CNTNAP2: variants seen among roughly 807,000 people sequenced by gnomAD.
The protein encoded by CNTNAP2 is contactin associated protein 2, also known as contactin-associated protein-like 2.
A neutral mutation model predicts 155.2 loss-of-function variants in CNTNAP2; 98 were observed. That is an observed-to-expected ratio of 0.63 (90% confidence interval 0.54 to 0.75). The LOEUF (loss-of-function observed/expected upper bound fraction) is 0.75, where lower values mean the gene tolerates loss of function less well. Among genes scored for constraint, CNTNAP2 ranks in the 30% least tolerant of loss-of-function variants. The pLI, the probability that CNTNAP2 is intolerant of heterozygous loss-of-function variation, is 0.00. For missense variants in CNTNAP2, 1,727 were observed against 1,688.1 expected (o/e 1.02, Z -0.40); for synonymous variants, 651 against 631.2 (o/e 1.03, Z -0.47).
At chr7:146,441,084 A>G (rs1612120) in intron 1 of CNTNAP2, among the ~76,000 whole-genome samples, 5,620 of 151,500 alleles carry the variant, frequency 0.037, 592 homozygotes, top group African/African-American at 0.13. Context: ...TAAGTTGAAG[A>G]TTTTGGAGAG....
intron 14 of CNTNAP2, among the ~76,000 whole-genome samples, chr7:147,973,037 C>G (rs1221679065): frequency 6.6e-6 from 1 of 151,872 alleles, no homozygotes; most frequent in Admixed American, 6.6e-5. Context: ...TGCACCTGTA[C>G]TCCCAACTAC....
chr7:148,331,940 C>G (rs1450308918), intron 21 of CNTNAP2, among the ~76,000 whole-genome samples: 1 of 152,134 alleles, frequency 6.6e-6, no homozygotes. Flanking sequence ...GCCTGCCTCA[C>G]GAGCACCTTT....
rs564157414 is a variant in CNTNAP2, at chr7:147,559,193, T to C, written c.1778-2945T>C. On this transcript the variant is annotated intron_variant, in intron 11 of 23. Transcript: ENST00000361727. ...GCCCGGCCTAATTGTTAACTCTGAC[T>C]GAGAACTTTTGTAGATTGAGAAAGT... Among the ~76,000 whole-genome samples the C allele has an allele frequency of 3.3e-5, 5 of 152,296 alleles. No homozygotes were observed. The East Asian group carries it at 9.7e-4, about 29-fold the overall frequency.
chr7:147,079,861 C>T (rs542526524), intron 4 of CNTNAP2, among the ~76,000 whole-genome samples: 2 of 152,136 alleles, frequency 1.3e-5, no homozygotes, highest in South Asian at 2.1e-4. Flanking sequence ...CTGTAAGCCG[C>T]GAGACTTACT....
At chr7:147,074,073 C>T (rs907833698) in intron 4 of CNTNAP2, among the ~76,000 whole-genome samples, 1 of 152,126 alleles carries the variant, frequency 6.6e-6, no homozygotes, top group African/African-American at 2.4e-5. Context: ...CTAGCTATTG[C>T]ACTCCGTAGA....
At chr7:147,873,702 A>G (rs1265154180) in intron 13 of CNTNAP2, among the ~76,000 whole-genome samples, 1 of 152,100 alleles carries the variant, frequency 6.6e-6, no homozygotes, top group African/African-American at 2.4e-5. Context: ...AAAGCCAACC[A>G]TGCCTTTCCA....
chr7:148,020,995 C>A (rs1802270633), intron 15 of CNTNAP2, among the ~76,000 whole-genome samples: 1 of 152,244 alleles, frequency 6.6e-6, no homozygotes, highest in Admixed American at 6.5e-5. Context: ...TCTTGCATTT[C>A]TTCTTCTCCA....
At chr7:147,801,865 C>T (rs1275308317) in intron 13 of CNTNAP2, among the ~76,000 whole-genome samples, 3 of 151,792 alleles carry the variant, frequency 2.0e-5, no homozygotes, top group Non-Finnish European at 2.9e-5. Context: ...GGGGGGCGGC[C>T]GGGCAGAGGG....
At chr7:147,554,617 C>G (rs1377312809) in intron 11 of CNTNAP2, among the ~76,000 whole-genome samples, 1 of 152,072 alleles carries the variant, frequency 6.6e-6, no homozygotes, top group Non-Finnish European at 1.5e-5. Context: ...CTAATTTCCT[C>G]CCTCCCCTTG....
intron 20 of CNTNAP2, among the ~76,000 whole-genome samples, chr7:148,257,130 A>C (rs1796468944): frequency 6.6e-6 from 1 of 152,062 alleles, no homozygotes; most frequent in Non-Finnish European, 1.5e-5. Context: ...GCACAGGGGC[A>C]AGGTCTAGGC....
intron 15 of CNTNAP2, among the ~76,000 whole-genome samples, chr7:148,080,702 G>C (rs182604045): frequency 2.0e-5 from 3 of 151,724 alleles, no homozygotes; most frequent in Admixed American, 2.0e-4. Context: ...TCCAAAAACT[G>C]TTTAATTTAG....
intron 1 of CNTNAP2, among the ~76,000 whole-genome samples, chr7:146,609,957 C>T (rs1337880074): frequency 6.6e-6 from 1 of 152,112 alleles, no homozygotes; most frequent in African/African-American, 2.4e-5. Flanking sequence ...ACCCCAGACA[C>T]AGCGAATCAG....
chr7:147,039,983 C>T (rs1260723051), intron 3 of CNTNAP2, among the ~76,000 whole-genome samples: 1 of 152,136 alleles, frequency 6.6e-6, no homozygotes, highest in Non-Finnish European at 1.5e-5. Context: ...AGAGCTTCTG[C>T]ACAGCAAAAG....
chr7:147,722,350 T>A (rs1796577949), intron 13 of CNTNAP2, among the ~76,000 whole-genome samples: 1 of 152,142 alleles, frequency 6.6e-6, no homozygotes, highest in African/African-American at 2.4e-5. Flanking sequence ...GCATAAATCA[T>A]TGTTGAGCGT....
At chr7:147,102,746 T>G (rs1034246994) in intron 4 of CNTNAP2, among the ~76,000 whole-genome samples, 22 of 152,160 alleles carry the variant, frequency 1.4e-4, no homozygotes, top group Admixed American at 1.4e-3. Context: ...TTGAAATTAT[T>G]TTATCTGTTT....
chr7:147,665,718 A>G (rs983421495), intron 13 of CNTNAP2, among the ~76,000 whole-genome samples: 7 of 152,166 alleles, frequency 4.6e-5, no homozygotes, highest in Admixed American at 2.0e-4. Flanking sequence ...GAGAACATGC[A>G]GTATTTGGTT....
chr7:146,197,998 C>T lies in CNTNAP2; in HGVS notation c.97+81025C>T, dbSNP rs116643907. The stretch of plus-strand genomic sequence containing the variant: ...ATGGCAGCAGGAGGGAGAGAAGAGG[C>T]GGAGCTCCAGGCACTTATCAAACAA... On this transcript the variant is annotated intron_variant, in intron 1 of 23. Coordinates refer to ENST00000361727, the MANE Select transcript of CNTNAP2 (RefSeq NM_014141.6). 4.3e-3 allele frequency among the ~76,000 whole-genome samples: 655 copies of T among 152,048 alleles called. 3 individuals are homozygous for T. The highest frequency in any genetic ancestry group is 0.015 in the African/African-American group (613 of 41,470).
At chr7:146,264,456 TAAAAAA>T (rs912567038) in intron 1 of CNTNAP2, among the ~76,000 whole-genome samples, 1 of 136,292 alleles carries the variant, frequency 7.3e-6, no homozygotes, top group African/African-American at 2.7e-5. Context: ...ATCTGAAAAA[TAAAAAA>T]AAAAGAAAGA....
chr7:147,835,995 A>G (rs1238454981), intron 13 of CNTNAP2, among the ~76,000 whole-genome samples: 1 of 152,146 alleles, frequency 6.6e-6, no homozygotes, highest in Non-Finnish European at 1.5e-5. Flanking sequence ...TCTGGCCTCC[A>G]TTGTGGATTT....
Sources: gnomAD v4.1 joint callset for allele counts (sites outside exome capture counted in the v4.1 genomes callset) on GRCh38, gnomAD v4.1.1 for gene constraint, MANE v1.5 for transcripts, NCBI Gene and HGNC (gene_info 2026-07-23, HGNC 2026-07-21) for gene names.